MAMDC4: variants seen among roughly 807,000 people sequenced by gnomAD.
MAMDC4 encodes the protein apical endosomal glycoprotein.
In MAMDC4, 168 loss-of-function variants were observed where a neutral mutation model predicts 153.3. The observed-to-expected ratio is 1.10, with a 90% CI of 0.97 to 1.25. The LOEUF is 1.25. MAMDC4 is among the 50% of genes most tolerant of loss of function. MAMDC4 has a pLI of 0.00. For missense variants in MAMDC4, 1,701 were observed against 1,542.8 expected (o/e 1.10, Z -1.72); for synonymous variants, 744 against 651.5 (o/e 1.14, Z -2.16).
At position 136,853,799 on chromosome 9, in the gene MAMDC4, G is replaced by C; in HGVS notation, c.477G>C (p.Glu159Asp). 1 of 1,611,690 alleles carries C rather than the reference G, an allele frequency of 6.2e-7. No individual in the cohort carries two copies. Among genetic ancestry groups the C allele is most frequent in the Non-Finnish European group, 8.5e-7 (1 of 1,179,460 alleles). Reference sequence around the variant, plus strand: ...CAGATGTGGCTGAACTGCGGGTGGAGCTGACCCATGGCGCAGAGACCCTGA... The same window carrying C: ...CAGATGTGGCTGAACTGCGGGTGGACCTGACCCATGGCGCAGAGACCCTGA... ...ASGDVAELRV[E>D]LTHGAETLTL... Residue 159 changes from glutamate (E) to aspartate (D), a missense_variant, in exon 5 of 27, where the codon GAG becomes GAC. Glu to Asp is a conservative substitution (Grantham distance 45). Transcript: ENST00000317446.
rs1262301994 is a variant in MAMDC4 at position 136,856,950 on chromosome 9, C to T, written c.1881C>T (p.Gly627=). 1 of 1,611,596 alleles carries T rather than the reference C, an allele frequency of 6.2e-7. No individual in the cohort carries two copies. Among genetic ancestry groups the T allele is most frequent in the Non-Finnish European group, 8.5e-7 (1 of 1,179,200 alleles). ...ACCCCACAGACCCCCTGGCCTGGGG[C>T]CACAGTGCCCACCTGCTCTCCAGGC... ...LLDPTDPLAW[G]HSAHLLSRPQ... is the part of the protein sequence containing the mutation. Residue 627 remains glycine (G), a synonymous_variant, in exon 16 of 27, where the codon GGC becomes GGT. Transcript: ENST00000317446.
At chr9:136,852,749 T>C (rs1848944157) in intron 1 of MAMDC4, among the ~76,000 whole-genome samples, 1 of 152,196 alleles carries the variant, frequency 6.6e-6, no homozygotes, top group Non-Finnish European at 1.5e-5. Context: ...ACCCTTGGAC[T>C]GGGTGGAGCT....
In MAMDC4 at chr9:136,859,189, C is replaced by T. The variant is rs774239930; in HGVS notation, c.3085-20C>T. 4.4e-6 allele frequency: 7 copies of T among 1,605,796 alleles called. No individual in the cohort carries two copies. The highest frequency in any genetic ancestry group is 6.0e-6 in the Non-Finnish European group (7 of 1,175,982). On this transcript the variant is annotated intron_variant, in intron 24 of 26. Transcript: ENST00000317446. ...CTCCTCCACCCAGGGCCCACACAAA[C>T]TCCTTTCCTTCTCCATCAGATCGTG...
intron 14 of MAMDC4, 146 bp from the exon 15 acceptor site, chr9:136,856,562 CGA>C: frequency 7.2e-6 from 6 of 835,646 alleles, no homozygotes; most frequent in Non-Finnish European, 1.3e-5. Context: ...CAGTGACCAC[CGA>C]GAGAGACAGA....
At position 136,853,805 on chromosome 9, in the gene MAMDC4, C is replaced by T. The variant is rs2131232535; in HGVS notation, c.483C>T (p.Thr161=). The T allele has an allele frequency of 6.2e-7, 1 of 1,611,854 alleles. No homozygotes were observed. The highest frequency in any genetic ancestry group is 2.2e-5 in the East Asian group (1 of 44,836). The part of the protein sequence containing the change: ...GDVAELRVEL[T]HGAETLTLWQ... ...TGGCTGAACTGCGGGTGGAGCTGACCCATGGCGCAGAGACCCTGACCCTGT... is the reference window on the plus strand; with the variant it reads ...TGGCTGAACTGCGGGTGGAGCTGACTCATGGCGCAGAGACCCTGACCCTGT... The change falls in exon 5 of 27, where the codon ACC becomes ACT. Residue 161 remains threonine, a synonymous_variant. Transcript: ENST00000317446.
intron 19 of MAMDC4, 31 bp from the exon 20 acceptor site, chr9:136,857,948 C>T: frequency 2.0e-6 from 3 of 1,482,112 alleles, no homozygotes; most frequent in Non-Finnish European, 1.8e-6. Flanking sequence ...GCTCTCCCCA[C>T]ACTGCTGACC....
chr9:136,860,270 A>G lies in MAMDC4; in HGVS notation c.3372+206A>G, dbSNP rs180746649. ...CGCGGTGGCTCACACCTGTAATCCC[A>G]GCACTTTGGGAGATTGAGGTGGGCG... is the stretch of plus-strand genomic sequence containing the variant. On this transcript the variant is annotated intron_variant, in intron 26 of 26. Coordinates refer to ENST00000317446, the MANE Select transcript of MAMDC4 (RefSeq NM_206920.3). Among the ~76,000 whole-genome samples, 108 of 152,326 alleles carry G rather than the reference A, an allele frequency of 7.1e-4. 5 individuals are homozygous for G. The East Asian group carries it at 0.019, about 27-fold the overall frequency.
At chr9:136,860,431 G>C in intron 26 of MAMDC4, 131 bp from the exon 27 acceptor site, 1 of 950,226 alleles carries the variant, frequency 1.1e-6, no homozygotes, top group Non-Finnish European at 1.6e-6. Flanking sequence ...TGAGGCAGGA[G>C]AATCGCTTGA....
Position 136,854,040 on chromosome 9 carries a change from C to CTAGAT in MAMDC4, c.635_639dup (p.Asp214Ter). 1 of 1,612,904 alleles carries CTAGAT rather than the reference C, an allele frequency of 6.2e-7. No homozygotes were observed. Among genetic ancestry groups the CTAGAT allele is most frequent in the Non-Finnish European group, 8.5e-7 (1 of 1,179,968 alleles). ...TGCCACCCACAGGGGCGCTGTGGCT[C>CTAGAT]TAGATGACCTAGAGTTCTGGGACTG... On this transcript the variant is annotated frameshift_variant, in exon 6 of 27. Coordinates refer to ENST00000317446, the MANE Select transcript of MAMDC4 (RefSeq NM_206920.3). LOFTEE classifies it high-confidence loss of function.
chr9:136,856,642 T>G, intron 14 of MAMDC4, 68 bp from the exon 15 acceptor site: 2 of 1,502,184 alleles, frequency 1.3e-6, no homozygotes, highest in Admixed American at 3.3e-5. Flanking sequence ...ACCCCGGAGC[T>G]TCCACCTTCT....
At position 136,855,498 on chromosome 9, in the gene MAMDC4, C is replaced by A. The variant is rs1848991313; in HGVS notation, c.1350C>A (p.Ser450Arg). 3.1e-6 allele frequency: 5 copies of A among 1,597,018 alleles called. No homozygotes were observed. The African/African-American group carries it at 5.4e-5, about 17-fold the overall frequency. ...RAPAPQPLPPSSRLQDSCKQG... is the reference protein window; with the variant it reads ...RAPAPQPLPPRSRLQDSCKQG... ...CAGCCCCCCAGCCCCTGCCGCCCAG[C>A]TCGCGGCTCCAGGATTCCTGCAAGC... The change falls in exon 12 of 27, where the codon AGC becomes AGA. Residue 450 changes from serine (S) to arginine (R), a missense_variant. Transcript: ENST00000317446.
intron 15 of MAMDC4, 25 bp downstream of exon 15, chr9:136,856,851 G>T (rs1849012845): frequency 1.9e-6 from 3 of 1,612,556 alleles, no homozygotes; most frequent in South Asian, 2.2e-5. Flanking sequence ...CAGACCGGGG[G>T]TGGCTTTCAG....
intron 1 of MAMDC4, 30 bp downstream of exon 1, chr9:136,852,492 G>A (rs1403540489): frequency 6.8e-6 from 11 of 1,606,362 alleles, no homozygotes; most frequent in Middle Eastern, 1.6e-4. Flanking sequence ...TCCTGAGGCA[G>A]GACCAGGGGC....
Position 136,855,290 on chromosome 9 carries a change from G to A in MAMDC4, c.1234G>A (p.Val412Met), listed in dbSNP as rs780756945. The change falls in exon 11 of 27, where the codon GTG becomes ATG. Residue 412 changes from valine (V) to methionine (M), a missense_variant. Transcript: ENST00000317446. The part of the protein sequence containing the change: ...LAGQTGPGGV[V>M]GLDDLILSDH... ...CGGGCAGACAGGCCCGGGGGGCGTCGTGGGTCTGGACGACCTCATCCTGTC... is the reference window on the plus strand; with the variant it reads ...CGGGCAGACAGGCCCGGGGGGCGTCATGGGTCTGGACGACCTCATCCTGTC... 2.6e-5 allele frequency: 41 copies of A among 1,605,006 alleles called. No homozygotes were observed. The highest frequency in any genetic ancestry group is 1.6e-4 in the African/African-American group (12 of 74,746).
Position 136,855,301 on chromosome 9 carries a change from C to T in MAMDC4, c.1245C>T (p.Asp415=), listed in dbSNP as rs768546916. 12 of 1,606,696 alleles carry T rather than the reference C, an allele frequency of 7.5e-6. No individual in the cohort carries two copies. The highest frequency in any genetic ancestry group is 3.4e-5 in the Admixed American group (2 of 59,444). Residue 415 remains aspartate, a synonymous_variant, in exon 11 of 27, where the codon GAC becomes GAT. Transcript: ENST00000317446. Reference sequence around the variant, plus strand: ...GCCCGGGGGGCGTCGTGGGTCTGGACGACCTCATCCTGTCTGACCACTGCA... The same window carrying T: ...GCCCGGGGGGCGTCGTGGGTCTGGATGACCTCATCCTGTCTGACCACTGCA... ...QTGPGGVVGL[D]DLILSDHCRP...
chr9:136,860,673 G>C lies in MAMDC4; in HGVS notation c.*70G>C. The C allele has an allele frequency of 6.4e-7, 1 of 1,565,468 alleles. No homozygotes were observed. The highest frequency in any genetic ancestry group is 1.1e-5 in the South Asian group (1 of 89,850). The stretch of plus-strand genomic sequence containing the variant: ...TTGGTCAGACCCTAGCCAGGGACCG[G>C]ACACCTGCCCCGCCCAGGCTGGGAC... On this transcript the variant is annotated 3_prime_UTR_variant, in exon 27 of 27. Transcript: ENST00000317446.
chr9:136,860,775 A>C lies in MAMDC4; in HGVS notation c.*172A>C. On this transcript the variant is annotated 3_prime_UTR_variant, in exon 27 of 27. Transcript: ENST00000317446. The stretch of plus-strand genomic sequence containing the variant: ...TGACTCTGTTGCTCTGTGAATAAAC[A>C]CCCTGGCCCATGAGGGCAGCCCAAG... The C allele has an allele frequency of 1.5e-6, 1 of 658,704 alleles. No homozygotes were observed. 40.8% of individuals were successfully genotyped at this position (658,704 alleles called of 1,614,324 possible).
chr9:136,856,287 G>A (rs1361430153), intron 14 of MAMDC4, 138 bp downstream of exon 14: 1 of 1,364,352 alleles, frequency 7.3e-7, no homozygotes, highest in Admixed American at 1.7e-5. Context: ...GTGGACAACG[G>A]CTCCCGGGAG....
At position 136,860,653 on chromosome 9, in the gene MAMDC4, C is replaced by A; in HGVS notation, c.*50C>A. The A allele has an allele frequency of 6.2e-7, 1 of 1,606,792 alleles. No homozygotes were observed. The highest frequency in any genetic ancestry group is 1.1e-5 in the South Asian group (1 of 90,872). On this transcript the variant is annotated 3_prime_UTR_variant, in exon 27 of 27. Coordinates refer to ENST00000317446, the MANE Select transcript of MAMDC4 (RefSeq NM_206920.3). ...CCTCACGTGACATCCAGCACTTGGT[C>A]AGACCCTAGCCAGGGACCGGACACC...
Sources: allele counts gnomAD v4.1 joint callset (sites outside exome capture counted in the v4.1 genomes callset), GRCh38; gene constraint gnomAD v4.1.1; transcripts MANE v1.5; gene names NCBI Gene and HGNC (gene_info 2026-07-23, HGNC 2026-07-21).